LYPLA1: variants seen among roughly 807,000 people sequenced by gnomAD.
The protein encoded by LYPLA1 is acyl-protein thioesterase 1.
LYPLA1 carries 17 observed loss-of-function variants against 34.0 expected under a neutral mutation model. That is an observed-to-expected ratio of 0.50 (90% CI 0.34 to 0.75). The LOEUF (loss-of-function observed/expected upper bound fraction) is 0.75. Ranked by LOEUF, LYPLA1 falls within the 30% of genes least tolerant of loss-of-function variation. LYPLA1 has a pLI of 0.01. For missense variants in LYPLA1, 203 were observed against 288.8 expected (o/e 0.70, Z 2.15); for synonymous variants, 98 against 100.8 (o/e 0.97, Z 0.17).
At chr8:54,090,915 C>T (rs1017395941) in intron 2 of LYPLA1, among the ~76,000 whole-genome samples, 6 of 152,188 alleles carry the variant, frequency 3.9e-5, no homozygotes, top group Non-Finnish European at 8.8e-5. Context: ...TCTCATTTCT[C>T]TCTCCTGCCA....
intron 6 of LYPLA1, chr8:54,054,623 G>C (rs1426579750): frequency 6.5e-6 from 1 of 154,188 alleles, no homozygotes; most frequent in Non-Finnish European, 1.4e-5. Flanking sequence ...AGCTACGTCT[G>C]TGGAGGGAGT....
In LYPLA1 at chr8:54,055,099, G is replaced by C. The variant is rs145304617; in HGVS notation, c.321C>G (p.Gly107=). The C allele has an allele frequency of 6.2e-7, 1 of 1,610,078 alleles. No homozygotes were observed. The highest frequency in any genetic ancestry group is 8.5e-7 in the Non-Finnish European group (1 of 1,177,002). The change falls in exon 6 of 9, where the codon GGC becomes GGG. Residue 107 remains glycine, a synonymous_variant. Transcript: ENST00000316963. ...CCAAAATAATTCTGTTAGAAGGAAT[G>C]CCATTCTTCACTTCTTGATCAATCA... ...KALIDQEVKN[G]IPSNRIILGG...
intron 5 of LYPLA1, among the ~76,000 whole-genome samples, chr8:54,055,481 A>G (rs1387576095): frequency 6.6e-6 from 1 of 151,984 alleles, no homozygotes; most frequent in Non-Finnish European, 1.5e-5. Context: ...GGTCATGGAT[A>G]AGAAGAACCA....
intron 2 of LYPLA1, among the ~76,000 whole-genome samples, chr8:54,085,001 T>TCCCTCCTCTCCC (rs755030291): frequency 4.2e-5 from 5 of 119,890 alleles, no homozygotes; most frequent in African/African-American, 3.2e-4. Flanking sequence ...CTCCCTCCTC[T>TCCCTCCTCTCCC]TCCTCTCCCT....
downstream of LYPLA1, among the ~76,000 whole-genome samples, chr8:54,044,478 A>C (rs1350357213): frequency 6.6e-6 from 1 of 152,154 alleles, no homozygotes; most frequent in Non-Finnish European, 1.5e-5. Flanking sequence ...ATGCACATGA[A>C]CACAAACTCC....
At chr8:54,074,870 G>T (rs1164170398) in intron 2 of LYPLA1, among the ~76,000 whole-genome samples, 2 of 152,226 alleles carry the variant, frequency 1.3e-5, no homozygotes, top group South Asian at 2.1e-4. Flanking sequence ...TGCCAATCAG[G>T]AGAGTCTTCT....
intron 8 of LYPLA1, among the ~76,000 whole-genome samples, chr8:54,050,138 G>C: frequency 6.6e-6 from 1 of 152,062 alleles, no homozygotes; most frequent in East Asian, 1.9e-4. Flanking sequence ...CCATTTCCAG[G>C]CTTGAACTTC....
intron 2 of LYPLA1, among the ~76,000 whole-genome samples, chr8:54,074,907 G>A (rs1223781576): frequency 6.6e-6 from 1 of 152,248 alleles, no homozygotes; most frequent in Non-Finnish European, 1.5e-5. Context: ...ATCTTGTGCA[G>A]TGTTTTGCGG....
At position 54,092,090 on chromosome 8, in the gene LYPLA1, G is replaced by A. The variant is rs1809324302; in HGVS notation, c.101+8818C>T. Among the ~76,000 whole-genome samples the A allele has an allele frequency of 3.3e-5, 5 of 151,164 alleles. No individual in the cohort carries two copies. In the South Asian group the frequency reaches 1.1e-3, roughly 32 times the overall value. On this transcript the variant is annotated intron_variant, in intron 2 of 8. Coordinates refer to ENST00000316963, the MANE Select transcript of LYPLA1 (RefSeq NM_006330.4). Reference sequence around the variant, plus strand: ...CTGTCGAAGCAAGGAGGAGGAGGAGGAAAAGGAGAAGGAAGAGGGGGAGGG... The same window carrying A: ...CTGTCGAAGCAAGGAGGAGGAGGAGAAAAAGGAGAAGGAAGAGGGGGAGGG...
chr8:54,060,348 C>A (rs1192558838), intron 5 of LYPLA1, among the ~76,000 whole-genome samples: 2 of 152,144 alleles, frequency 1.3e-5, no homozygotes, highest in African/African-American at 4.8e-5. Context: ...TGATCTCGAA[C>A]TCTCGACCTC....
intron 5 of LYPLA1, among the ~76,000 whole-genome samples, chr8:54,057,871 G>T (rs1293112776): frequency 6.6e-6 from 1 of 152,102 alleles, no homozygotes; most frequent in Non-Finnish European, 1.5e-5. Flanking sequence ...TCTCCATGAT[G>T]TGCTTATTTC....
chr8:54,044,490 G>A (rs1805434186), downstream of LYPLA1, among the ~76,000 whole-genome samples: 1 of 152,052 alleles, frequency 6.6e-6, no homozygotes, highest in Admixed American at 6.6e-5. Context: ...ACAAACTCCT[G>A]GTGAAAAAGT....
At chr8:54,073,530 G>A (rs1488092803) in intron 2 of LYPLA1, 2 of 677,046 alleles carry the variant, frequency 3.0e-6, no homozygotes, top group Non-Finnish European at 5.5e-6. Context: ...CCACTTCTAT[G>A]CCAGCTGGCA....
At chr8:54,078,022 C>T (rs1272722134) in intron 2 of LYPLA1, among the ~76,000 whole-genome samples, 1 of 152,160 alleles carries the variant, frequency 6.6e-6, no homozygotes, top group Non-Finnish European at 1.5e-5. Flanking sequence ...ACAATCTCAG[C>T]TCACTGCAAC....
intron 2 of LYPLA1, among the ~76,000 whole-genome samples, chr8:54,067,408 C>T (rs898281132): frequency 2.0e-5 from 3 of 152,072 alleles, no homozygotes; most frequent in African/African-American, 7.2e-5. Flanking sequence ...CATACATACA[C>T]GTTCAAAGCA....
chr8:54,049,001 TC>T (rs1335022859), intron 8 of LYPLA1, among the ~76,000 whole-genome samples: 3 of 152,214 alleles, frequency 2.0e-5, no homozygotes, highest in Non-Finnish European at 4.4e-5. Flanking sequence ...AAACAGCTGC[TC>T]TAGAGACCTT....
intron 6 of LYPLA1, chr8:54,053,008 A>C (rs1805953820): frequency 7.3e-6 from 3 of 411,586 alleles, no homozygotes; most frequent in Non-Finnish European, 1.3e-5. Context: ...CTGCACTTAC[A>C]ACATGCCTTA....
chr8:54,066,119 A>G (rs927121569), intron 2 of LYPLA1, among the ~76,000 whole-genome samples: 3 of 152,136 alleles, frequency 2.0e-5, no homozygotes, highest in African/African-American at 7.2e-5. Flanking sequence ...TCTAATTTTT[A>G]GTAGAGACGG....
intron 1 of LYPLA1, 154 bp downstream of exon 1, chr8:54,101,597 GCGGA>G: frequency 8.7e-7 from 1 of 1,150,014 alleles, no homozygotes; most frequent in Non-Finnish European, 1.1e-6. Flanking sequence ...CCCGCCCCCC[GCGGA>G]CCCGGCCGCG....
Sources: gnomAD v4.1 joint callset for allele counts (sites outside exome capture counted in the v4.1 genomes callset) on GRCh38, gnomAD v4.1.1 for gene constraint, MANE v1.5 for transcripts, NCBI Gene and HGNC (gene_info 2026-07-23, HGNC 2026-07-21) for gene names.